DNAH11: variants seen among roughly 807,000 people sequenced by gnomAD.
DNAH11 encodes axonemal beta dynein heavy chain 11.
A neutral mutation model predicts 526.0 loss-of-function variants in DNAH11; 442 were observed. That is an observed-to-expected ratio of 0.84 (90% confidence interval 0.78 to 0.91). The LOEUF (loss-of-function observed/expected upper bound fraction) is 0.91, where lower values mean the gene tolerates loss of function less well. Among genes scored for constraint, DNAH11 ranks in the 40% least tolerant of loss-of-function variants. DNAH11 has a pLI of 0.00. For synonymous variants in DNAH11, 2,461 were observed against 1,935.9 expected (o/e 1.27, Z -7.12); for missense variants, 6,989 against 5,448.7 (o/e 1.28, Z -8.90).
intron 54 of DNAH11, among the ~76,000 whole-genome samples, chr7:21,753,954 G>A (rs1317599793): frequency 6.6e-6 from 1 of 152,070 alleles, no homozygotes; most frequent in African/African-American, 2.4e-5. Flanking sequence ...GTAAAGTTTT[G>A]TAACGGTGTA....
intron 54 of DNAH11, among the ~76,000 whole-genome samples, chr7:21,752,924 G>A (rs961404715): frequency 6.6e-6 from 1 of 152,130 alleles, no homozygotes; most frequent in Non-Finnish European, 1.5e-5. Context: ...ATGTTGGCCA[G>A]GCTGGTCTTG....
At chr7:21,590,897 T>G (rs1266439410) in intron 12 of DNAH11, 21 bp from the exon 13 acceptor site, 1 of 1,290,678 alleles carries the variant, frequency 7.7e-7, no homozygotes. Flanking sequence ...TGCAATAATT[T>G]TAATAATTGT....
At chr7:21,545,274 TAAAA>T (rs10634177) in intron 2 of DNAH11, 125 bp downstream of exon 2, 1,657 of 130,764 alleles carry the variant, frequency 0.013, no homozygotes, top group South Asian at 0.022. Flanking sequence ...TGGGGGTGGT[TAAAA>T]AAAAAAAAAA....
chr7:21,706,601 A>G lies in DNAH11; in HGVS notation c.6546+1064A>G, dbSNP rs772823222. ...TCAAGGAAGGATAAAGTTAAATTCT[A>G]TACTTTCCAGTGGATTAATGGTTTC... is the stretch of plus-strand genomic sequence containing the variant. On this transcript the variant is annotated intron_variant, in intron 39 of 81. Coordinates refer to ENST00000409508, the MANE Select transcript of DNAH11 (RefSeq NM_001277115.2). Among the ~76,000 whole-genome samples, 138 of 152,314 alleles carry G rather than the reference A, an allele frequency of 9.1e-4. 1 individual carries two copies. The Middle Eastern group carries it at 0.027, about 30-fold the overall frequency.
intron 30 of DNAH11, among the ~76,000 whole-genome samples, chr7:21,674,032 G>T (rs934589108): frequency 6.5e-5 from 2 of 30,636 alleles, no homozygotes; most frequent in South Asian, 1.4e-3. Flanking sequence ...TTTGTTTTGT[G>T]TGTGTGTGTG....
intron 28 of DNAH11, 46 bp downstream of exon 28, chr7:21,639,111 G>T (rs745858785): frequency 6.4e-7 from 1 of 1,555,826 alleles, no homozygotes; most frequent in Non-Finnish European, 8.7e-7. Flanking sequence ...GTTAGCTGAG[G>T]AATGTCATAG....
intron 65 of DNAH11, among the ~76,000 whole-genome samples, chr7:21,830,364 A>G (rs532462309): frequency 1.4e-4 from 22 of 152,334 alleles, no homozygotes; most frequent in African/African-American, 5.1e-4. Flanking sequence ...AGTTGTTGCT[A>G]TTCCCCTTCA....
chr7:21,867,778 T>C, intron 71 of DNAH11, 81 bp from the exon 72 acceptor site: 5 of 1,327,982 alleles, frequency 3.8e-6, no homozygotes, highest in Non-Finnish European at 5.3e-6. Flanking sequence ...CGTGTGCCTG[T>C]GTGGTTTAAG....
chr7:21,725,723 CT>C, intron 44 of DNAH11, 87 bp from the exon 45 acceptor site: 1 of 1,354,114 alleles, frequency 7.4e-7, no homozygotes, highest in Non-Finnish European at 1.0e-6. Flanking sequence ...GTTTCTACCC[CT>C]ATGATATTGT....
At chr7:21,666,250 C>A (rs922892385) in intron 30 of DNAH11, among the ~76,000 whole-genome samples, 2 of 151,608 alleles carry the variant, frequency 1.3e-5, no homozygotes, top group Admixed American at 1.3e-4. Context: ...GAATATATAT[C>A]GCTGCCTTGT....
intron 35 of DNAH11, among the ~76,000 whole-genome samples, chr7:21,696,573 C>T (rs887620462): frequency 6.6e-6 from 1 of 152,084 alleles, no homozygotes; most frequent in Non-Finnish European, 1.5e-5. Flanking sequence ...ATTTGTGACC[C>T]AATTTATCTC....
intron 35 of DNAH11, among the ~76,000 whole-genome samples, chr7:21,696,959 C>G (rs1204306174): frequency 6.6e-6 from 1 of 152,172 alleles, no homozygotes; most frequent in African/African-American, 2.4e-5. Flanking sequence ...TCTCCATTTA[C>G]TCTTCATCTT....
chr7:21,842,880 T>C, intron 66 of DNAH11, 132 bp downstream of exon 66: 1 of 784,912 alleles, frequency 1.3e-6, no homozygotes, highest in African/African-American at 1.7e-5. Context: ...AAAATAAGTA[T>C]ACATGTTAAA....
chr7:21,641,070 C>T (rs1787106605), intron 28 of DNAH11, among the ~76,000 whole-genome samples: 1 of 152,188 alleles, frequency 6.6e-6, no homozygotes. Flanking sequence ...AGAGCCACCC[C>T]CACTTTAATC....
rs1562492245 is a variant in DNAH11, at chr7:21,690,802, T to C, written c.5962T>C (p.Ser1988Pro). Residue 1988 changes from serine (S) to proline (P), a missense_variant, in exon 35 of 82, where the codon TCA becomes CCA. Physicochemically the swap from Ser to Pro is moderately conservative, Grantham distance 74. Transcript: ENST00000409508. The stretch of plus-strand genomic sequence containing the variant: ...TGGGGAAGCTATCACACTGAAGCCA[T>C]CAGTTGGAATATTTATTACTATGAA... ...FLGEAITLKPSVGIFITMNPG... is the reference protein window; with the variant it reads ...FLGEAITLKPPVGIFITMNPG... 6.2e-7 allele frequency: 1 copy of C among 1,611,048 alleles called. No homozygotes were observed. Among genetic ancestry groups the C allele is most frequent in the Non-Finnish European group, 8.5e-7 (1 of 1,179,022 alleles).
chr7:21,773,171 G>T (rs1395282603), intron 55 of DNAH11, among the ~76,000 whole-genome samples: 1 of 152,122 alleles, frequency 6.6e-6, no homozygotes, highest in African/African-American at 2.4e-5. Context: ...ATAGTGGGGG[G>T]TCTTCCAGTA....
At chr7:21,798,350 C>T (rs776312665) in intron 61 of DNAH11, among the ~76,000 whole-genome samples, 3 of 152,202 alleles carry the variant, frequency 2.0e-5, no homozygotes, top group Non-Finnish European at 4.4e-5. Flanking sequence ...CCTGCCTCGG[C>T]CTCCCAAAGT....
chr7:21,900,145 G>T, intron 81 of DNAH11, 25 bp downstream of exon 81: 1 of 1,587,952 alleles, frequency 6.3e-7, no homozygotes, highest in Non-Finnish European at 8.6e-7. Flanking sequence ...GGGGTAAGTG[G>T]GGAACCTTTT....
intron 25 of DNAH11, among the ~76,000 whole-genome samples, chr7:21,628,928 C>G (rs1786471688): frequency 1.3e-5 from 2 of 151,754 alleles, no homozygotes; most frequent in African/African-American, 4.8e-5. Context: ...CCTTGTTATT[C>G]CCTTCCTTTT....
Sources: gnomAD v4.1 joint callset for allele counts (sites outside exome capture counted in the v4.1 genomes callset) on GRCh38, gnomAD v4.1.1 for gene constraint, MANE v1.5 for transcripts, NCBI Gene and HGNC (gene_info 2026-07-23, HGNC 2026-07-21) for gene names.